NDUFAF6: variants seen among roughly 807,000 people sequenced by gnomAD.
NDUFAF6 encodes the protein NADH dehydrogenase (ubiquinone) complex I, assembly factor 6.
NDUFAF6 carries 45 observed loss-of-function variants against 40.8 expected under a neutral mutation model. The observed-to-expected ratio is 1.10, with a 90% CI of 0.87 to 1.42. The LOEUF (loss-of-function observed/expected upper bound fraction) is 1.42. NDUFAF6 is among the 40% of genes most tolerant of loss of function. The probability of loss-of-function intolerance (pLI) is 0.00; values close to 1 mark genes in which losing one functional copy is unlikely to be tolerated. For missense variants in NDUFAF6, 435 were observed against 418.5 expected, an observed-to-expected ratio of 1.04 and a Z score of -0.34; for synonymous variants, 185 against 155.9, an observed-to-expected ratio of 1.19 and a Z score of -1.39.
intron 1 of NDUFAF6, among the ~76,000 whole-genome samples, chr8:95,100,830 T>C (rs1809626461): frequency 6.6e-6 from 1 of 152,230 alleles, no homozygotes; most frequent in African/African-American, 2.4e-5. Flanking sequence ...ACTTTGTTTG[T>C]TCTTTCAGTT....
chr8:94,934,036 C>G (rs1404184834), intron 1 of NDUFAF6, among the ~76,000 whole-genome samples: 1 of 150,668 alleles, frequency 6.6e-6, no homozygotes, highest in Non-Finnish European at 1.5e-5. Context: ...AAGATTGCAA[C>G]ATTGTACTCC....
At chr8:95,039,804 T>C (rs1829956722) in intron 3 of NDUFAF6, among the ~76,000 whole-genome samples, 1 of 150,264 alleles carries the variant, frequency 6.7e-6, no homozygotes, top group South Asian at 2.1e-4. Flanking sequence ...TTAAATGTTT[T>C]GTAGAGATGA....
chr8:95,105,516 C>T (rs191519299), downstream of NDUFAF6, among the ~76,000 whole-genome samples: 12 of 152,142 alleles, frequency 7.9e-5, no homozygotes, highest in Middle Eastern at 6.8e-3. Context: ...CGTGCCACCA[C>T]ATCCAGCTAA....
downstream of NDUFAF6, among the ~76,000 whole-genome samples, chr8:95,107,204 T>C (rs954360367): frequency 3.3e-5 from 5 of 152,154 alleles, no homozygotes; most frequent in African/African-American, 1.2e-4. Context: ...TGCAGCACTG[T>C]TCACAATAGC....
intron 4 of NDUFAF6, among the ~76,000 whole-genome samples, chr8:95,110,139 T>C (rs1587286270): frequency 6.6e-6 from 1 of 152,360 alleles, no homozygotes; most frequent in Admixed American, 6.5e-5. Flanking sequence ...TTAGGAGCAG[T>C]GGCATATGCC....
At chr8:94,971,233 C>T (rs756108699) in intron 1 of NDUFAF6, among the ~76,000 whole-genome samples, 10 of 152,210 alleles carry the variant, frequency 6.6e-5, no homozygotes, top group Non-Finnish European at 1.5e-4. Context: ...AATTTTGGAG[C>T]GTACTTAGCT....
intron 2 of NDUFAF6, among the ~76,000 whole-genome samples, chr8:94,987,777 G>A (rs1211787950): frequency 1.3e-5 from 2 of 152,150 alleles, no homozygotes; most frequent in Non-Finnish European, 2.9e-5. Context: ...CAACCTCAAG[G>A]TAACATTTTG....
chr8:95,071,117 G>A (rs545097380), intron 9 of NDUFAF6, among the ~76,000 whole-genome samples: 3 of 152,134 alleles, frequency 2.0e-5, no homozygotes, highest in South Asian at 4.2e-4. Context: ...CCGGCCGGGC[G>A]CGGTGGCTCA....
intron 8 of NDUFAF6, among the ~76,000 whole-genome samples, chr8:95,053,528 C>A (rs966141353): frequency 6.6e-6 from 1 of 152,196 alleles, no homozygotes; most frequent in African/African-American, 2.4e-5. Context: ...TTAAAAAGAC[C>A]TAAACAATGC....
chr8:95,102,438 G>C (rs539118630), intron 2 of NDUFAF6, among the ~76,000 whole-genome samples: 47 of 152,356 alleles, frequency 3.1e-4, no homozygotes, highest in African/African-American at 1.1e-3. Flanking sequence ...AGCACCTAAG[G>C]AAGAATCTGC....
intron 9 of NDUFAF6, among the ~76,000 whole-genome samples, chr8:95,066,196 T>G (rs1832697690): frequency 6.6e-6 from 1 of 152,014 alleles, no homozygotes; most frequent in Admixed American, 6.5e-5. Flanking sequence ...ACTATAACCT[T>G]GAACTCCTGA....
At chr8:95,105,494 G>GGATT (rs1405253935), downstream of NDUFAF6, among the ~76,000 whole-genome samples, 2 of 151,868 alleles carry the variant, frequency 1.3e-5, no homozygotes, top group Non-Finnish European at 1.5e-5. Context: ...CAAGTAGCTG[G>GGATT]GATTACAGGT....
At chr8:95,108,393 G>C (rs1480224649), downstream of NDUFAF6, among the ~76,000 whole-genome samples, 2 of 152,104 alleles carry the variant, frequency 1.3e-5, no homozygotes, top group African/African-American at 4.8e-5. Context: ...ATGGAATTCT[G>C]ATACATGCCA....
At chr8:95,061,304 C>T (rs1360657189), downstream of NDUFAF6, among the ~76,000 whole-genome samples, 1 of 152,194 alleles carries the variant, frequency 6.6e-6, no homozygotes, top group Non-Finnish European at 1.5e-5. Flanking sequence ...CCTAGGTGCC[C>T]TTGGATTTGT....
chr8:94,908,533 C>G (rs1818531773), intron 1 of NDUFAF6, among the ~76,000 whole-genome samples: 1 of 152,140 alleles, frequency 6.6e-6, no homozygotes, highest in Non-Finnish European at 1.5e-5. Context: ...TCTTCCCTGG[C>G]TAATTTTTAA....
At chr8:94,925,336 C>T (rs1415687917) in intron 1 of NDUFAF6, among the ~76,000 whole-genome samples, 1 of 152,124 alleles carries the variant, frequency 6.6e-6, no homozygotes, top group African/African-American at 2.4e-5. Flanking sequence ...CAGGGAAGGC[C>T]ATATTGTCCT....
At chr8:95,012,538 A>C (rs1021636141) in intron 2 of NDUFAF6, among the ~76,000 whole-genome samples, 1 of 152,194 alleles carries the variant, frequency 6.6e-6, no homozygotes, top group Non-Finnish European at 1.5e-5. Context: ...GGCTGGTTAC[A>C]GTGGCTCATG....
intron 2 of NDUFAF6, among the ~76,000 whole-genome samples, chr8:95,088,689 T>TGTGTG (rs1809133839): frequency 7.0e-6 from 1 of 142,282 alleles, no homozygotes; most frequent in African/African-American, 2.7e-5. Context: ...TTTTGGGGTT[T>TGTGTG]TGTGTGTGTG....
chr8:94,957,921 C>T (rs1230108651), upstream of NDUFAF6: 1 of 152,224 alleles, frequency 6.6e-6, no homozygotes, highest in East Asian at 1.9e-4. Flanking sequence ...TGCTCCTGTC[C>T]AGCTCACCGC....
Sources: allele counts gnomAD v4.1 joint callset (sites outside exome capture counted in the v4.1 genomes callset), GRCh38; gene constraint gnomAD v4.1.1; transcripts MANE v1.5; gene names NCBI Gene and HGNC (gene_info 2026-07-23, HGNC 2026-07-21).